The following ARHGEF26 variants were observed in gnomAD, a reference collection of about 807,000 sequenced individuals.
ARHGEF26 encodes the protein Rho guanine nucleotide exchange factor (GEF) 26.
A neutral mutation model predicts 89.4 loss-of-function variants in ARHGEF26; 59 were observed. The ratio of observed to expected loss-of-function variants is 0.66; its 90% confidence interval spans 0.54 to 0.82. The LOEUF (loss-of-function observed/expected upper bound fraction) is 0.82. Among genes scored for constraint, ARHGEF26 ranks in the 40% least tolerant of loss-of-function variants. ARHGEF26 has a pLI of 0.00. For missense variants in ARHGEF26, 1,234 were observed against 1,085.6 expected (o/e 1.14, Z -1.92); for synonymous variants, 500 against 428.4 (o/e 1.17, Z -2.06).
intron 7 of ARHGEF26, among the ~76,000 whole-genome samples, chr3:154,189,765 C>T (rs972183275): frequency 1.3e-5 from 2 of 151,804 alleles, no homozygotes; most frequent in Non-Finnish European, 2.9e-5. Context: ...TTAATCAGAA[C>T]CTTTGGAAGG....
chr3:154,155,807 CAGGAA>C (rs998169393), intron 6 of ARHGEF26, among the ~76,000 whole-genome samples: 1 of 151,500 alleles, frequency 6.6e-6, no homozygotes, highest in African/African-American at 2.4e-5. Context: ...TCTAAGAGGC[CAGGAA>C]AACTGAAGGA....
intron 11 of ARHGEF26, among the ~76,000 whole-genome samples, chr3:154,229,812 G>T (rs1716724476): frequency 6.6e-6 from 1 of 152,142 alleles, no homozygotes; most frequent in Admixed American, 6.5e-5. Context: ...TTTGCCTTTG[G>T]AGTAGTGAAG....
intron 11 of ARHGEF26, among the ~76,000 whole-genome samples, chr3:154,238,464 A>G (rs997266499): frequency 2.0e-5 from 3 of 152,180 alleles, no homozygotes; most frequent in Non-Finnish European, 4.4e-5. Context: ...AAGATTATAA[A>G]GTTTTTCAAG....
intron 6 of ARHGEF26, among the ~76,000 whole-genome samples, chr3:154,183,735 CAG>C (rs1419993347): frequency 2.0e-5 from 3 of 152,056 alleles, no homozygotes; most frequent in South Asian, 2.1e-4. Context: ...GTAGCATAAA[CAG>C]AAATTTAATT....
intron 11 of ARHGEF26, among the ~76,000 whole-genome samples, chr3:154,228,228 C>T (rs1470654342): frequency 6.6e-6 from 1 of 151,126 alleles, no homozygotes; most frequent in African/African-American, 2.4e-5. Flanking sequence ...ACCTCTGCCT[C>T]CCAGGTTCAA....
In ARHGEF26 at chr3:154,135,609, C is replaced by G. The variant is rs368105881; in HGVS notation, c.1269+5890C>G. Among the ~76,000 whole-genome samples, 26 of 152,226 alleles carry G rather than the reference C, an allele frequency of 1.7e-4. No individual in the cohort carries two copies. The East Asian group carries it at 4.8e-3, about 28-fold the overall frequency. On this transcript the variant is annotated intron_variant, in intron 4 of 14. Coordinates refer to ENST00000465093, the MANE Select transcript of ARHGEF26 (RefSeq NM_015595.4). The stretch of plus-strand genomic sequence containing the variant: ...CGCAGGTAAATCACCGGTGCCTCAC[C>G]CAAAACAGCAGCACAAACATTAAGC...
At chr3:154,151,826 T>C (rs991731218) in intron 5 of ARHGEF26, among the ~76,000 whole-genome samples, 24 of 152,126 alleles carry the variant, frequency 1.6e-4, no homozygotes, top group African/African-American at 5.6e-4. Flanking sequence ...TACCCTCTGC[T>C]CTTTGGGGCA....
At chr3:154,182,062 C>T (rs562861071) in intron 6 of ARHGEF26, among the ~76,000 whole-genome samples, 2 of 151,306 alleles carry the variant, frequency 1.3e-5, no homozygotes, top group Middle Eastern at 3.5e-3. Flanking sequence ...TATATACACA[C>T]ACAATATATA....
chr3:154,198,769 C>T (rs978210660), intron 9 of ARHGEF26, among the ~76,000 whole-genome samples: 2 of 151,992 alleles, frequency 1.3e-5, no homozygotes, highest in African/African-American at 4.8e-5. Flanking sequence ...ACACATTGGG[C>T]ACAGTGTACA....
chr3:154,175,165 T>G (rs1712726713), intron 6 of ARHGEF26, among the ~76,000 whole-genome samples: 2 of 152,200 alleles, frequency 1.3e-5, no homozygotes, highest in Admixed American at 1.3e-4. Context: ...CCATTCATCT[T>G]GTATTAAAGG....
In ARHGEF26 at chr3:154,249,593, C is replaced by T. The variant is rs529626861; in HGVS notation, c.2301-3523C>T. On this transcript the variant is annotated intron_variant, in intron 12 of 14. Transcript: ENST00000465093. Reference sequence around the variant, plus strand: ...CTGTATTGGATTTTGTGAGTGTTTTCTGCTCTGTGTGTTCCCTCATACTGA... The same window carrying T: ...CTGTATTGGATTTTGTGAGTGTTTTTTGCTCTGTGTGTTCCCTCATACTGA... Among the ~76,000 whole-genome samples the T allele has an allele frequency of 3.3e-5, 5 of 152,198 alleles. No individual in the cohort carries two copies. The South Asian group carries it at 1.0e-3, about 32-fold the overall frequency.
chr3:154,172,235 A>G (rs1290790815), intron 6 of ARHGEF26, among the ~76,000 whole-genome samples: 2 of 152,234 alleles, frequency 1.3e-5, no homozygotes, highest in Admixed American at 6.5e-5. Context: ...AATCAGCATC[A>G]CTTCCAAAGA....
intron 9 of ARHGEF26, among the ~76,000 whole-genome samples, chr3:154,202,267 T>C (rs1285325334): frequency 2.0e-5 from 3 of 152,238 alleles, no homozygotes; most frequent in Non-Finnish European, 4.4e-5. Flanking sequence ...AGGGATTCCT[T>C]TCCCTATTTC....
rs190752168 is a variant in ARHGEF26, at chr3:154,189,440, C to T, written c.1640+1603C>T. ...GCAACTTCTGCATCCCAGGTTCAAG[C>T]GATTCTCCTGCCTCAGCCTCCCGTG... On this transcript the variant is annotated intron_variant, in intron 7 of 14. Coordinates refer to ENST00000465093, the MANE Select transcript of ARHGEF26 (RefSeq NM_015595.4). Among the ~76,000 whole-genome samples the T allele has an allele frequency of 1.5e-4, 22 of 149,524 alleles. No individual in the cohort carries two copies. In the East Asian group the frequency reaches 3.6e-3, roughly 25 times the overall value.
intron 6 of ARHGEF26, among the ~76,000 whole-genome samples, chr3:154,155,308 A>G (rs571902504): frequency 6.6e-6 from 1 of 152,142 alleles, no homozygotes; most frequent in East Asian, 1.9e-4. Context: ...TACATCAACA[A>G]AAGTCAAGGA....
chr3:154,198,060 C>T (rs764430130), intron 9 of ARHGEF26, among the ~76,000 whole-genome samples: 3 of 152,078 alleles, frequency 2.0e-5, no homozygotes, highest in East Asian at 1.9e-4. Flanking sequence ...TTAATCTTTT[C>T]GTATAACGTA....
rs538875694 is a variant in ARHGEF26, at chr3:154,146,478, T to C, written c.1270-2911T>C. Among the ~76,000 whole-genome samples the C allele has an allele frequency of 7.2e-5, 11 of 152,360 alleles. No homozygotes were observed. In the South Asian group the frequency reaches 2.1e-3, roughly 29 times the overall value. ...GGAGTTTACCCTTTTACAAATTTCA[T>C]AAACTATGTTTTGGGTCTAACTAGA... On this transcript the variant is annotated intron_variant, in intron 4 of 14. Transcript: ENST00000465093.
chr3:154,220,886 G>A (rs1054573389), intron 10 of ARHGEF26, among the ~76,000 whole-genome samples: 1 of 151,958 alleles, frequency 6.6e-6, no homozygotes, highest in African/African-American at 2.4e-5. Flanking sequence ...AAGGCAAATA[G>A]CAAACTGGAG....
In ARHGEF26 at chr3:154,257,275, G is replaced by GTGTT. The variant is rs1718582527; in HGVS notation, c.*1803_*1806dup. ...TGAGTACCTTGAGATCTGAGCAACT[G>GTGTT]TGTTAATGAAGTAATAGCAATGGTC... On this transcript the variant is annotated 3_prime_UTR_variant, in exon 15 of 15. Transcript: ENST00000465093. The GTGTT allele has an allele frequency of 5.2e-6, 1 of 192,540 alleles. No homozygotes were observed. The allele number at this position is 192,540 out of a possible 1,614,324, so 11.9% of individuals were successfully genotyped here.
Sources: gnomAD v4.1 joint callset for allele counts (sites outside exome capture counted in the v4.1 genomes callset) on GRCh38, gnomAD v4.1.1 for gene constraint, MANE v1.5 for transcripts, NCBI Gene and HGNC (gene_info 2026-07-23, HGNC 2026-07-21) for gene names.